Variants in CXCL13 observed in about 807,000 individuals in gnomAD.
CXCL13 encodes C-X-C motif chemokine ligand 13.
CXCL13 carries 7 observed loss-of-function variants against 12.2 expected under a neutral mutation model. That is an observed-to-expected ratio of 0.57 (90% CI 0.33 to 1.07). The LOEUF is 1.07. Ranked by LOEUF, CXCL13 falls within the 50% of genes least tolerant of loss-of-function variation. The pLI is 0.04. For missense variants in CXCL13, 113 were observed against 127.4 expected (o/e 0.89, Z 0.55); for synonymous variants, 47 against 42.4 (o/e 1.11, Z -0.42).
intron 1 of CXCL13, among the ~76,000 whole-genome samples, chr4:77,550,985 TTC>T (rs1725502494): frequency 6.6e-6 from 1 of 152,222 alleles, no homozygotes; most frequent in South Asian, 2.1e-4. Context: ...TAACAAATCT[TTC>T]TCTGACATTT....
At chr4:77,540,695 T>C (rs1725188114) in intron 1 of CXCL13, among the ~76,000 whole-genome samples, 1 of 152,222 alleles carries the variant, frequency 6.6e-6, no homozygotes, top group Admixed American at 6.5e-5. Flanking sequence ...GCTGATTCTA[T>C]GCCTGCTATT....
intron 1 of CXCL13, among the ~76,000 whole-genome samples, chr4:77,532,016 T>C (rs1285571951): frequency 6.6e-6 from 1 of 152,234 alleles, no homozygotes; most frequent in Non-Finnish European, 1.5e-5. Flanking sequence ...CCAGTCTGTG[T>C]CTTTTAATTG....
At chr4:77,555,400 T>A (rs1019688885) in intron 1 of CXCL13, among the ~76,000 whole-genome samples, 1 of 152,070 alleles carries the variant, frequency 6.6e-6, no homozygotes, top group Non-Finnish European at 1.5e-5. Context: ...AGAAATTTAA[T>A]GTGCCAAAGT....
At chr4:77,590,639 T>C (rs1726581484) in intron 1 of CXCL13, among the ~76,000 whole-genome samples, 1 of 152,190 alleles carries the variant, frequency 6.6e-6, no homozygotes, top group Non-Finnish European at 1.5e-5. Flanking sequence ...CAACACAATG[T>C]CCATTGGCAT....
chr4:77,580,852 T>G (rs1726316820), intron 1 of CXCL13, among the ~76,000 whole-genome samples: 1 of 141,902 alleles, frequency 7.0e-6, no homozygotes, highest in African/African-American at 2.6e-5. Flanking sequence ...CCCCTCTCCC[T>G]TTTCCTCTCC....
At chr4:77,602,401 A>G (rs1210464606), upstream of CXCL13, among the ~76,000 whole-genome samples, 2 of 152,210 alleles carry the variant, frequency 1.3e-5, no homozygotes. Context: ...AATGTGCATA[A>G]TATCTTTATC....
chr4:77,562,004 G>A (rs1006345423), intron 1 of CXCL13, among the ~76,000 whole-genome samples: 2 of 152,180 alleles, frequency 1.3e-5, no homozygotes, highest in Non-Finnish European at 2.9e-5. Context: ...GAGGAGCTTA[G>A]CACCTGGGCC....
At chr4:77,527,646 G>C (rs983962544) in intron 1 of CXCL13, among the ~76,000 whole-genome samples, 23 of 150,846 alleles carry the variant, frequency 1.5e-4, no homozygotes, top group Admixed American at 1.5e-3. Context: ...AAAAAAAAAA[G>C]AAAGAAAGAA....
At chr4:77,543,211 A>G (rs1181270820) in intron 1 of CXCL13, among the ~76,000 whole-genome samples, 1 of 151,794 alleles carries the variant, frequency 6.6e-6, no homozygotes, top group Non-Finnish European at 1.5e-5. Context: ...TTGTAAGGTC[A>G]CTTTTGTCAT....
intron 1 of CXCL13, among the ~76,000 whole-genome samples, chr4:77,526,293 A>C (rs1363711447): frequency 6.6e-6 from 1 of 152,078 alleles, no homozygotes; most frequent in Non-Finnish European, 1.5e-5. Context: ...AATAAAAGAG[A>C]TAACATAAAT....
At chr4:77,519,102 C>T (rs1724506134) in intron 1 of CXCL13, among the ~76,000 whole-genome samples, 1 of 152,162 alleles carries the variant, frequency 6.6e-6, no homozygotes, top group South Asian at 2.1e-4. Flanking sequence ...GTCTGCAGAG[C>T]AGTGGTTTTT....
At chr4:77,525,921 T>G (rs1195497902) in intron 1 of CXCL13, among the ~76,000 whole-genome samples, 2 of 56,856 alleles carry the variant, frequency 3.5e-5, no homozygotes, top group Non-Finnish European at 5.7e-5. Context: ...TGTGGGTTTG[T>G]TTTTTTTTTA....
intron 1 of CXCL13, among the ~76,000 whole-genome samples, chr4:77,593,698 G>T (rs1449877377): frequency 1.3e-5 from 2 of 152,190 alleles, no homozygotes; most frequent in Non-Finnish European, 2.9e-5. Context: ...AGTTTAAGAA[G>T]AATGAGCTGT....
At chr4:77,572,017 T>C (rs1283875518) in intron 1 of CXCL13, among the ~76,000 whole-genome samples, 1 of 151,276 alleles carries the variant, frequency 6.6e-6, no homozygotes, top group African/African-American at 2.4e-5. Context: ...AGAAAGAAAC[T>C]CCGAACACAT....
At position 77,611,329 on chromosome 4, in the gene CXCL13, T is replaced by C. The variant is rs1446255245; in HGVS notation, c.*290T>C. The C allele has an allele frequency of 2.8e-6, 1 of 361,248 alleles. No individual in the cohort carries two copies. The highest frequency in any genetic ancestry group is 4.1e-5 in the East Asian group (1 of 24,214). The allele number at this position is 361,248 out of a possible 1,614,324, so 22.4% of individuals were successfully genotyped here. ...AGGATTATTTTGATTATATACTTGT[T>C]GTTTAATGTTTAAAATTTCTTAGAA... On this transcript the variant is annotated 3_prime_UTR_variant, in exon 4 of 4. Coordinates refer to ENST00000682537, the MANE Select transcript of CXCL13 (RefSeq NM_001371558.1).
chr4:77,597,956 G>A (rs1246712113), intron 1 of CXCL13, among the ~76,000 whole-genome samples: 2 of 152,226 alleles, frequency 1.3e-5, no homozygotes, highest in Non-Finnish European at 2.9e-5. Context: ...ACTTTGGCAA[G>A]CCACTAAAGC....
At chr4:77,572,529 A>G (rs1282236296) in intron 1 of CXCL13, among the ~76,000 whole-genome samples, 2 of 151,930 alleles carry the variant, frequency 1.3e-5, no homozygotes, top group African/African-American at 4.9e-5. Flanking sequence ...AATCAAAACC[A>G]CAATGAGATA....
chr4:77,582,674 A>T (rs1164682974), intron 1 of CXCL13, among the ~76,000 whole-genome samples: 1 of 152,236 alleles, frequency 6.6e-6, no homozygotes, highest in Non-Finnish European at 1.5e-5. Flanking sequence ...TAAAGCCAAT[A>T]GTAAGACATG....
At chr4:77,602,871 G>A (rs1726910123), upstream of CXCL13, among the ~76,000 whole-genome samples, 1 of 152,084 alleles carries the variant, frequency 6.6e-6, no homozygotes, top group African/African-American at 2.4e-5. Context: ...ATATCATGTA[G>A]TGTTGGACTT....
Sources: gnomAD v4.1 joint callset for allele counts (sites outside exome capture counted in the v4.1 genomes callset) on GRCh38, gnomAD v4.1.1 for gene constraint, MANE v1.5 for transcripts, NCBI Gene and HGNC (gene_info 2026-07-23, HGNC 2026-07-21) for gene names.